EFCAB8: variants seen among roughly 807,000 people sequenced by gnomAD.
EFCAB8 encodes the protein EF-hand calcium-binding domain-containing protein 8.
EFCAB8 carries 100 observed loss-of-function variants against 116.3 expected under a neutral mutation model. That is an observed-to-expected ratio of 0.86 (90% CI 0.73 to 1.02). The LOEUF is 1.02. Among genes scored for constraint, EFCAB8 ranks in the 50% least tolerant of loss-of-function variants. The pLI, the probability that EFCAB8 is intolerant of heterozygous loss-of-function variation, is 0.00. For synonymous variants in EFCAB8, 558 were observed against 567.9 expected, an observed-to-expected ratio of 0.98 and a Z score of 0.25; for missense variants, 1,320 against 1,416.9, an observed-to-expected ratio of 0.93 and a Z score of 1.10.
chr20:32,895,148 C>T (rs6120019), intron 9 of EFCAB8, among the ~76,000 whole-genome samples: 3,294 of 152,270 alleles, frequency 0.022, 114 homozygotes, highest in African/African-American at 0.076. Context: ...TTGTCCCTGA[C>T]GGTGCTGGCT....
chr20:32,863,692 C>G (rs571626431), intron 1 of EFCAB8, 91 bp from the exon 2 acceptor site: 1 of 1,350,146 alleles, frequency 7.4e-7, no homozygotes, highest in Non-Finnish European at 1.0e-6. Flanking sequence ...ACCTTGACTT[C>G]TTTTCCACCT....
At chr20:32,907,058 G>A (rs1986714189) in intron 13 of EFCAB8, 64 bp downstream of exon 13, 5 of 1,452,776 alleles carry the variant, frequency 3.4e-6, no homozygotes, top group Non-Finnish European at 3.6e-6. Flanking sequence ...CCAGAGAAAT[G>A]GCATGACCTC....
At chr20:32,945,929 C>A (rs562179815) in intron 23 of EFCAB8, among the ~76,000 whole-genome samples, 1 of 152,174 alleles carries the variant, frequency 6.6e-6, no homozygotes, top group Non-Finnish European at 1.5e-5. Flanking sequence ...TTCTCTAGAG[C>A]GGCTACAAGC....
chr20:32,869,976 A>T (rs1984607135), intron 3 of EFCAB8, among the ~76,000 whole-genome samples: 1 of 152,096 alleles, frequency 6.6e-6, no homozygotes, highest in Non-Finnish European at 1.5e-5. Flanking sequence ...TTAGAGCTTG[A>T]TTTTTCCCCC....
chr20:32,954,645 T>C (rs1339314985), intron 23 of EFCAB8, among the ~76,000 whole-genome samples: 1 of 152,236 alleles, frequency 6.6e-6, no homozygotes, highest in Admixed American at 6.5e-5. Context: ...ACTAGAGATT[T>C]TGGCTTTTAA....
intron 9 of EFCAB8, among the ~76,000 whole-genome samples, chr20:32,893,522 C>T (rs549144318): frequency 6.6e-6 from 1 of 152,296 alleles, no homozygotes; most frequent in Non-Finnish European, 1.5e-5. Flanking sequence ...GGTGGCCTCT[C>T]TGAGGATGGG....
At chr20:32,872,212 T>G (rs1264660277) in intron 3 of EFCAB8, among the ~76,000 whole-genome samples, 3 of 152,196 alleles carry the variant, frequency 2.0e-5, no homozygotes, top group African/African-American at 7.2e-5. Flanking sequence ...GCCAGATTGC[T>G]AGGGTTAGTA....
intron 2 of EFCAB8, among the ~76,000 whole-genome samples, chr20:32,866,117 G>C (rs2146168692): frequency 6.6e-6 from 1 of 152,256 alleles, no homozygotes; most frequent in South Asian, 2.1e-4. Flanking sequence ...GTGGAGGCAG[G>C]GACCCTCACT....
At chr20:32,934,443 A>C (rs2146279253) in intron 22 of EFCAB8, among the ~76,000 whole-genome samples, 1 of 152,312 alleles carries the variant, frequency 6.6e-6, no homozygotes, top group Non-Finnish European at 1.5e-5. Context: ...TGACATATTG[A>C]TATGACATAT....
At chr20:32,939,499 G>A (rs1458786966) in intron 22 of EFCAB8, among the ~76,000 whole-genome samples, 1 of 146,660 alleles carries the variant, frequency 6.8e-6, no homozygotes, top group Non-Finnish European at 1.5e-5. Context: ...TGGTCACGCT[G>A]GTCTCAAACT....
At chr20:32,908,756 C>T (rs1046553853) in intron 14 of EFCAB8, among the ~76,000 whole-genome samples, 1 of 152,210 alleles carries the variant, frequency 6.6e-6, no homozygotes, top group Non-Finnish European at 1.5e-5. Flanking sequence ...AGTCATGAGC[C>T]TCATAACTCT....
intron 3 of EFCAB8, among the ~76,000 whole-genome samples, chr20:32,868,093 G>C (rs1175991567): frequency 1.3e-5 from 2 of 152,078 alleles, no homozygotes; most frequent in Admixed American, 6.6e-5. Flanking sequence ...AGTAATGGCA[G>C]AAATCACAAT....
chr20:32,880,927 C>T (rs920494277), intron 5 of EFCAB8, among the ~76,000 whole-genome samples: 2 of 152,130 alleles, frequency 1.3e-5, no homozygotes, highest in African/African-American at 4.8e-5. Context: ...CCACAGGCCC[C>T]CACTCCTGGT....
Position 32,908,388 on chromosome 20 carries a change from T to A in EFCAB8, c.1422T>A (p.Asn474Lys), listed in dbSNP as rs1986776433. The A allele has an allele frequency of 8.0e-7, 1 of 1,249,944 alleles. No homozygotes were observed. Among genetic ancestry groups the A allele is most frequent in the East Asian group, 3.2e-5 (1 of 31,694 alleles). The allele number at this position is 1,249,944 out of a possible 1,614,324, so 77.4% of individuals were successfully genotyped here. A position where few individuals can be genotyped will look rare whatever the true frequency, so the allele number is the denominator to read the frequency against. ...GTGCCTACTTCTTCGAGAAGGACAA[T>A]ACCCTCATCTGCAGCACCTACTCAG... ...ITSAYFFEKD[N>K]TLICSTYSIG... The change falls in exon 14 of 27, where the codon AAT becomes AAA. Residue 474 changes from asparagine to lysine, a missense_variant. Asn to Lys is a moderately conservative substitution (Grantham distance 94). Transcript: ENST00000400522.
chr20:32,961,226 C>G lies in EFCAB8; in HGVS notation c.3484C>G (p.Gln1162Glu), dbSNP rs1040300753. 59 of 1,551,840 alleles carry G rather than the reference C, an allele frequency of 3.8e-5. No individual in the cohort carries two copies. Among genetic ancestry groups the G allele is most frequent in the Non-Finnish European group, 5.1e-5 (58 of 1,146,974 alleles). The change falls in exon 27 of 27, where the codon CAA becomes GAA. Residue 1162 changes from glutamine (Q) to glutamate (E), a missense_variant. Gln to Glu is a conservative substitution (Grantham distance 29, BLOSUM62 2). Transcript: ENST00000400522. ...CCTGACCAGCAGGGGCCCAGACCAG[C>G]AAGACCAGCACATCCGCCTGGTGGC... ...DFLTSRGPDQQDQHIRLVAHH... is the reference protein window; with the variant it reads ...DFLTSRGPDQEDQHIRLVAHH...
intron 15 of EFCAB8, among the ~76,000 whole-genome samples, chr20:32,910,349 G>A (rs575493060): frequency 6.6e-6 from 1 of 152,206 alleles, no homozygotes; most frequent in Non-Finnish European, 1.5e-5. Context: ...AGGAAGGGAC[G>A]GAGGCCCAGG....
Position 32,959,940 on chromosome 20 carries a change from C to T in EFCAB8, c.3252C>T (p.Asp1084=). The change falls in exon 25 of 27, where the codon GAC becomes GAT. Residue 1084 remains aspartate (D), a synonymous_variant. Coordinates refer to ENST00000400522, the MANE Select transcript of EFCAB8 (RefSeq NM_001143967.2). ...GGGCCGGAGAGCGCCCCCTGGAAGA[C>T]ATTGAGGACAGCTGGAACAAGTGGG... ...SPWAGERPLE[D]IEDSWNKWES... 6.4e-7 allele frequency: 1 copy of T among 1,551,648 alleles called. No homozygotes were observed. The highest frequency in any genetic ancestry group is 2.4e-5 in the East Asian group (1 of 40,908).
At chr20:32,887,363 G>A (rs1253492991) in intron 6 of EFCAB8, among the ~76,000 whole-genome samples, 1 of 152,170 alleles carries the variant, frequency 6.6e-6, no homozygotes, top group Non-Finnish European at 1.5e-5. Flanking sequence ...ATCACTTGAG[G>A]TCAGGAGTTT....
At chr20:32,957,420 G>T (rs1989005456) in intron 23 of EFCAB8, among the ~76,000 whole-genome samples, 1 of 152,022 alleles carries the variant, frequency 6.6e-6, no homozygotes, top group African/African-American at 2.4e-5. Context: ...CCTCTGTATA[G>T]GGCTGAGCAT....
Sources: gnomAD v4.1 joint callset for allele counts (sites outside exome capture counted in the v4.1 genomes callset) on GRCh38, gnomAD v4.1.1 for gene constraint, MANE v1.5 for transcripts, NCBI Gene and HGNC (gene_info 2026-07-23, HGNC 2026-07-21) for gene names.